OSBPL3: variants seen among roughly 807,000 people sequenced by gnomAD.
OSBPL3 encodes oxysterol-binding protein-related protein 3.
In OSBPL3, 65 loss-of-function variants were observed where a neutral mutation model predicts 120.1. The ratio of observed to expected loss-of-function variants is 0.54; its 90% CI spans 0.44 to 0.67. OSBPL3 has a LOEUF of 0.67. OSBPL3 is among the 30% of genes least tolerant of loss of function. The probability of loss-of-function intolerance (pLI) is 0.00; values close to 1 mark genes in which losing one functional copy is unlikely to be tolerated. For missense variants in OSBPL3, 1,004 were observed against 1,082.1 expected (o/e 0.93, Z 1.01); for synonymous variants, 416 against 402.6 (o/e 1.03, Z -0.40).
chr7:24,852,388 T>C lies in OSBPL3; in HGVS notation c.1158+116A>G, dbSNP rs552308639. 9.3e-6 allele frequency: 8 copies of C among 856,208 alleles called. No homozygotes were observed. Among genetic ancestry groups the C allele is most frequent in the Non-Finnish European group, 1.3e-5 (8 of 598,582 alleles). The allele number at this position is 856,208 out of a possible 1,614,324, so 53.0% of individuals were successfully genotyped here. On this transcript the variant is annotated intron_variant, in intron 11 of 22. Transcript: ENST00000313367. The surrounding 1 kb of genome is among the most constrained non-coding windows in gnomAD (Gnocchi z 4.1). Reference sequence around the variant, plus strand: ...GATTTGATGAAAGGTTAGAATATAATTTGGATAATTTGGTTTTCTCCTGAA... The same window carrying C: ...GATTTGATGAAAGGTTAGAATATAACTTGGATAATTTGGTTTTCTCCTGAA...
rs535949780 is a variant in OSBPL3, at chr7:24,947,625, A to G, written c.-150+32261T>C. ...TATATGGGTAAGAAGGAAGCCAAAT[A>G]TTGCCAAAAATATCTAGGAATCACT... On this transcript the variant is annotated intron_variant, in intron 1 of 22. Transcript: ENST00000313367. The surrounding 1 kb of genome is among the most constrained non-coding windows in gnomAD (Gnocchi z 4.4). 3.3e-5 allele frequency among the ~76,000 whole-genome samples: 5 copies of G among 152,236 alleles called. No homozygotes were observed. The highest frequency in any genetic ancestry group is 6.5e-5 in the Admixed American group (1 of 15,284).
chr7:24,904,549 G>A (rs1280205326), intron 1 of OSBPL3, among the ~76,000 whole-genome samples: 3 of 152,126 alleles, frequency 2.0e-5, no homozygotes, highest in Non-Finnish European at 2.9e-5. Context: ...CATAGGTTAC[G>A]TGCGAATACT....
chr7:24,866,504 G>C (rs1422028287), intron 5 of OSBPL3, among the ~76,000 whole-genome samples: 1 of 152,124 alleles, frequency 6.6e-6, no homozygotes, highest in Non-Finnish European at 1.5e-5. Flanking sequence ...AGCCAGACAT[G>C]GTGGCACACG....
intron 1 of OSBPL3, among the ~76,000 whole-genome samples, chr7:24,943,933 T>A (rs746094412): frequency 1.3e-5 from 2 of 152,154 alleles, no homozygotes; most frequent in Non-Finnish European, 2.9e-5. Context: ...AAACACAAAC[T>A]GGAAGAGACA....
At chr7:24,904,611 C>T (rs543236139) in intron 1 of OSBPL3, among the ~76,000 whole-genome samples, 5 of 152,084 alleles carry the variant, frequency 3.3e-5, no homozygotes, top group Admixed American at 6.5e-5. Context: ...GTATTTGTGG[C>T]GATCACCGAA....
Position 24,847,518 on chromosome 7 carries a change from T to C in OSBPL3, c.1266+1551A>G, listed in dbSNP as rs778748936. ...TCAGGTATGCTACTTTTAAGATCAG[T>C]TTAAAATATGCATTTTAAATATATA... On this transcript the variant is annotated intron_variant, in intron 12 of 22. Coordinates refer to ENST00000313367, the MANE Select transcript of OSBPL3 (RefSeq NM_015550.4). 3.9e-5 allele frequency among the ~76,000 whole-genome samples: 6 copies of C among 152,194 alleles called. 1 individual carries two copies. Among genetic ancestry groups the C allele is most frequent in the African/African-American group, 1.4e-4 (6 of 41,434 alleles).
At chr7:24,837,000 A>G (rs574372449) in intron 14 of OSBPL3, among the ~76,000 whole-genome samples, 1 of 151,684 alleles carries the variant, frequency 6.6e-6, no homozygotes, top group Non-Finnish European at 1.5e-5. Context: ...ATGCCTGGCT[A>G]ATTTTTTGTA....
chr7:24,820,356 A>C lies in OSBPL3; in HGVS notation c.1885-118T>G. ...CGTGCAATGCTGAACTGAAGGAAAA[A>C]CTTCTTTAGTTTCCCTCATCAAGTG... On this transcript the variant is annotated intron_variant, in intron 16 of 22. Coordinates refer to ENST00000313367, the MANE Select transcript of OSBPL3 (RefSeq NM_015550.4). This position sits in a 1 kb window ranked among gnomAD's most constrained non-coding sequence, Gnocchi z 4.6. 1 of 696,016 alleles carries C rather than the reference A, an allele frequency of 1.4e-6. No individual in the cohort carries two copies. Among genetic ancestry groups the C allele is most frequent in the Non-Finnish European group, 2.5e-6 (1 of 400,716 alleles). The allele number at this position is 696,016 out of a possible 1,614,324, so 43.1% of individuals were successfully genotyped here. A position where few individuals can be genotyped will look rare whatever the true frequency, so the allele number is the denominator to read the frequency against.
Position 24,968,677 on chromosome 7 carries a change from G to A in OSBPL3, c.-150+11209C>T, listed in dbSNP as rs1405805602. On this transcript the variant is annotated intron_variant, in intron 1 of 22. Transcript: ENST00000313367. This position sits in a 1 kb window ranked among gnomAD's most constrained non-coding sequence, Gnocchi z 4.6. Reference sequence around the variant, plus strand: ...CTCCCAAAGTGCTAGGATTACAGGTGTGAGCCACGGCGCCAGCCTCAGCCC... The same window carrying A: ...CTCCCAAAGTGCTAGGATTACAGGTATGAGCCACGGCGCCAGCCTCAGCCC... 1.3e-5 allele frequency among the ~76,000 whole-genome samples: 2 copies of A among 152,232 alleles called. No homozygotes were observed. Among genetic ancestry groups the A allele is most frequent in the Non-Finnish European group, 2.9e-5 (2 of 68,044 alleles).
intron 5 of OSBPL3, among the ~76,000 whole-genome samples, chr7:24,866,858 A>G (rs868410501): frequency 6.6e-6 from 1 of 152,144 alleles, no homozygotes; most frequent in African/African-American, 2.4e-5. Flanking sequence ...CTGCAGTGCA[A>G]TGGCCCAACC....
chr7:24,964,320 C>T lies in OSBPL3; in HGVS notation c.-150+15566G>A, dbSNP rs1332280935. Among the ~76,000 whole-genome samples the T allele has an allele frequency of 1.3e-5, 2 of 152,172 alleles. No individual in the cohort carries two copies. Among genetic ancestry groups the T allele is most frequent in the Non-Finnish European group, 2.9e-5 (2 of 68,028 alleles). On this transcript the variant is annotated intron_variant, in intron 1 of 22. Coordinates refer to ENST00000313367, the MANE Select transcript of OSBPL3 (RefSeq NM_015550.4). This position sits in a 1 kb window ranked among gnomAD's most constrained non-coding sequence, Gnocchi z 4.2. ...CCATATGGTAGAGAAGCCTGACAAA[C>T]ACTACCTCAACCAGATGAGCAAGGT... is the stretch of plus-strand genomic sequence containing the variant.
At chr7:24,910,130 G>A (rs955374846) in intron 1 of OSBPL3, among the ~76,000 whole-genome samples, 1 of 152,070 alleles carries the variant, frequency 6.6e-6, no homozygotes, top group Admixed American at 6.6e-5. Context: ...TCAATTTGAA[G>A]GTGTGTATTA....
intron 1 of OSBPL3, among the ~76,000 whole-genome samples, chr7:24,905,192 G>A (rs1277397401): frequency 6.8e-6 from 1 of 147,370 alleles, no homozygotes; most frequent in Non-Finnish European, 1.5e-5. Flanking sequence ...GGGGTCAAGA[G>A]GATTGCTCCA....
chr7:24,817,016 T>C lies in OSBPL3; in HGVS notation c.1949-328A>G, dbSNP rs1224122636. ...TGAGAAGAAGGAGTGACGAATATGC[T>C]TGGAGAAAGCATCAGAAGAGGCTTG... On this transcript the variant is annotated intron_variant, in intron 17 of 22. Transcript: ENST00000313367. This position sits in a 1 kb window ranked among gnomAD's most constrained non-coding sequence, Gnocchi z 4.0. Among the ~76,000 whole-genome samples, 1 of 152,120 alleles carries C rather than the reference T, an allele frequency of 6.6e-6. No homozygotes were observed.
At chr7:24,826,003 T>C (rs1795661647) in intron 16 of OSBPL3, among the ~76,000 whole-genome samples, 1 of 152,214 alleles carries the variant, frequency 6.6e-6, no homozygotes, top group South Asian at 2.1e-4. Flanking sequence ...TGTAGCTTAA[T>C]TGCATATCCT....
At chr7:24,927,895 G>A (rs568998174) in intron 1 of OSBPL3, among the ~76,000 whole-genome samples, 1 of 152,260 alleles carries the variant, frequency 6.6e-6, no homozygotes, top group South Asian at 2.1e-4. Flanking sequence ...ATACGGTTTG[G>A]GTCTGTGTCC....
intron 1 of OSBPL3, among the ~76,000 whole-genome samples, chr7:24,942,505 G>A (rs985620284): frequency 6.6e-6 from 1 of 152,096 alleles, no homozygotes; most frequent in African/African-American, 2.4e-5. Context: ...AGCAGAATAG[G>A]GAATCCTGCT....
intron 1 of OSBPL3, among the ~76,000 whole-genome samples, chr7:24,956,390 G>A (rs1815052190): frequency 6.6e-6 from 1 of 152,204 alleles, no homozygotes; most frequent in Non-Finnish European, 1.5e-5. Context: ...AAAGAATACA[G>A]CTAATTTTTA....
Position 24,953,477 on chromosome 7 carries a change from TCA to T in OSBPL3, c.-150+26407_-150+26408del, listed in dbSNP as rs1322548320. Among the ~76,000 whole-genome samples, 1 of 152,216 alleles carries T rather than the reference TCA, an allele frequency of 6.6e-6. No individual in the cohort carries two copies. The highest frequency in any genetic ancestry group is 1.5e-5 in the Non-Finnish European group (1 of 68,044). On this transcript the variant is annotated intron_variant, in intron 1 of 22. Coordinates refer to ENST00000313367, the MANE Select transcript of OSBPL3 (RefSeq NM_015550.4). This position sits in a 1 kb window ranked among gnomAD's most constrained non-coding sequence, Gnocchi z 4.3. ...GTATTACGTATCTGCTGAATTGTAA[TCA>T]GACTTGAATAATCATCTTAAATAAA...
Sources: gnomAD v4.1 joint callset for allele counts (sites outside exome capture counted in the v4.1 genomes callset) on GRCh38, gnomAD v4.1.1 for gene constraint, Gnocchi (gnomAD v3.1) non-coding constraint, MANE v1.5 for transcripts, NCBI Gene and HGNC (gene_info 2026-07-23, HGNC 2026-07-21) for gene names.